The following CCSER1 variants were observed in gnomAD, a reference collection of about 807,000 sequenced individuals.
CCSER1 encodes the protein coiled-coil serine rich protein 1.
A neutral mutation model predicts 82.0 loss-of-function variants in CCSER1; 41 were observed. The observed-to-expected ratio is 0.50, with a 90% CI of 0.39 to 0.65. CCSER1 has a LOEUF of 0.65. CCSER1 is among the 30% of genes least tolerant of loss of function. The pLI is 0.00. For synonymous variants in CCSER1, 414 were observed against 383.9 expected (o/e 1.08, Z -0.92); for missense variants, 1,119 against 1,064.2 (o/e 1.05, Z -0.72).
chr4:91,015,183 A>G (rs2150511851), intron 9 of CCSER1, among the ~76,000 whole-genome samples: 1 of 152,210 alleles, frequency 6.6e-6, no homozygotes, highest in South Asian at 2.1e-4. Context: ...GGATGTTTTC[A>G]TTAAAAACAT....
At chr4:90,780,757 G>A (rs1279125451) in intron 7 of CCSER1, 1 of 1,212,122 alleles carries the variant, frequency 8.2e-7, no homozygotes, top group Non-Finnish European at 1.0e-6. Context: ...AAAATGGTTT[G>A]TAAAGGTAAA....
intron 7 of CCSER1, chr4:90,781,398 C>T (rs964455992): frequency 3.0e-6 from 3 of 985,266 alleles, no homozygotes; most frequent in African/African-American, 1.7e-5. Context: ...GAGCCCCTGT[C>T]CCATAAAATC....
intron 10 of CCSER1, among the ~76,000 whole-genome samples, chr4:91,533,818 A>G (rs896317950): frequency 1.1e-4 from 16 of 152,174 alleles, no homozygotes; most frequent in African/African-American, 3.8e-4. Context: ...TTTAAACATT[A>G]TTCATTCACC....
intron 1 of CCSER1, among the ~76,000 whole-genome samples, chr4:90,305,710 A>T (rs970073019): frequency 1.3e-5 from 2 of 152,198 alleles, no homozygotes; most frequent in African/African-American, 4.8e-5. Context: ...GAGAAAAGGG[A>T]ACTCTTGCAC....
rs1401608709 is a variant in CCSER1, at chr4:91,599,698, A to T, written c.*641A>T. On this transcript the variant is annotated 3_prime_UTR_variant, in exon 11 of 11. Coordinates refer to ENST00000509176, the MANE Select transcript of CCSER1 (RefSeq NM_001145065.2). ...TTTAGTTCATACTAGTTCACAAAGG[A>T]TTTCAGACAGAGTAATTGCTAGCCA... is the stretch of plus-strand genomic sequence containing the variant. 6.6e-6 allele frequency: 1 copy of T among 152,092 alleles called. No homozygotes were observed. Among genetic ancestry groups the T allele is most frequent in the Non-Finnish European group, 1.5e-5 (1 of 67,994 alleles). 9.4% of individuals were successfully genotyped at this position (152,092 alleles called of 1,614,324 possible). A position where few individuals can be genotyped will look rare whatever the true frequency, so the allele number is the denominator to read the frequency against.
intron 6 of CCSER1, among the ~76,000 whole-genome samples, chr4:90,695,520 C>A (rs1736844016): frequency 6.6e-6 from 1 of 151,916 alleles, no homozygotes; most frequent in African/African-American, 2.4e-5. Flanking sequence ...CATAGAATGT[C>A]AGACCTAGAA....
intron 10 of CCSER1, among the ~76,000 whole-genome samples, chr4:91,186,143 A>G (rs750249412): frequency 6.6e-6 from 1 of 152,186 alleles, no homozygotes; most frequent in African/African-American, 2.4e-5. Flanking sequence ...CTTTTCACCC[A>G]GTGTCCTCCA....
chr4:90,205,537 G>A (rs1367779499), intron 1 of CCSER1, among the ~76,000 whole-genome samples: 2 of 152,168 alleles, frequency 1.3e-5, no homozygotes, highest in African/African-American at 4.8e-5. Context: ...TTGCATCCCA[G>A]GGATGAAGCC....
intron 5 of CCSER1, among the ~76,000 whole-genome samples, chr4:90,520,056 T>C (rs1772879990): frequency 6.6e-6 from 1 of 152,040 alleles, no homozygotes; most frequent in African/African-American, 2.4e-5. Flanking sequence ...TCCATTTACC[T>C]AATATGTAAG....
chr4:91,035,642 T>TA (rs1314183753), intron 9 of CCSER1, among the ~76,000 whole-genome samples: 2 of 152,018 alleles, frequency 1.3e-5, no homozygotes, highest in Non-Finnish European at 2.9e-5. Flanking sequence ...TATCTTTTTT[T>TA]AAAAAAAGCT....
At chr4:90,873,690 A>G (rs1766845016) in intron 8 of CCSER1, among the ~76,000 whole-genome samples, 1 of 152,112 alleles carries the variant, frequency 6.6e-6, no homozygotes, top group African/African-American at 2.4e-5. Flanking sequence ...GTCTAAGGAA[A>G]TATACATTAC....
At chr4:91,141,269 T>G (rs1359705699) in intron 10 of CCSER1, among the ~76,000 whole-genome samples, 2 of 151,978 alleles carry the variant, frequency 1.3e-5, no homozygotes, top group Non-Finnish European at 1.5e-5. Flanking sequence ...TTCTCCTGCC[T>G]CAGCCTCCTG....
chr4:90,448,444 A>ATT (rs1553914349), intron 4 of CCSER1, among the ~76,000 whole-genome samples: 1 of 44,074 alleles, frequency 2.3e-5, no homozygotes, highest in Non-Finnish European at 5.2e-5. Context: ...AGGTGAATTG[A>ATT]ATATATATAT....
At chr4:91,146,751 A>C (rs536723469) in intron 10 of CCSER1, among the ~76,000 whole-genome samples, 1 of 151,918 alleles carries the variant, frequency 6.6e-6, no homozygotes, top group Non-Finnish European at 1.5e-5. Flanking sequence ...AGTTTCCTTC[A>C]TGGGCTTTCA....
intron 10 of CCSER1, among the ~76,000 whole-genome samples, chr4:91,598,206 A>G (rs1221477275): frequency 1.3e-5 from 2 of 152,094 alleles, no homozygotes; most frequent in African/African-American, 4.8e-5. Context: ...ATGGCCTCAT[A>G]TGTCTATATT....
chr4:91,303,975 TATTC>T (rs774373964), intron 10 of CCSER1, among the ~76,000 whole-genome samples: 1 of 152,046 alleles, frequency 6.6e-6, no homozygotes, highest in Non-Finnish European at 1.5e-5. Flanking sequence ...TAATATATAT[TATTC>T]ACACATTTGT....
At chr4:91,415,461 G>C (rs998691180) in intron 10 of CCSER1, among the ~76,000 whole-genome samples, 3 of 152,056 alleles carry the variant, frequency 2.0e-5, no homozygotes, top group African/African-American at 7.2e-5. Flanking sequence ...GATTAAGCAT[G>C]GTAAGGGAGG....
intron 8 of CCSER1, among the ~76,000 whole-genome samples, chr4:90,903,751 T>C (rs1725017123): frequency 6.6e-6 from 1 of 150,954 alleles, no homozygotes; most frequent in Non-Finnish European, 1.5e-5. Flanking sequence ...GGCAGGATAA[T>C]CACTTGAACC....
intron 8 of CCSER1, among the ~76,000 whole-genome samples, chr4:90,848,264 G>A (rs954552308): frequency 6.6e-6 from 1 of 152,128 alleles, no homozygotes; most frequent in Non-Finnish European, 1.5e-5. Context: ...TGAGACAGTG[G>A]AAAAACCATC....
Sources: allele counts gnomAD v4.1 joint callset (sites outside exome capture counted in the v4.1 genomes callset), GRCh38; gene constraint gnomAD v4.1.1; transcripts MANE v1.5; gene names NCBI Gene and HGNC (gene_info 2026-07-23, HGNC 2026-07-21).